VWDE: variants seen among roughly 807,000 people sequenced by gnomAD.
VWDE encodes the protein von Willebrand factor D and EGF domains.
Under a neutral mutation model 178.4 loss-of-function variants are expected in VWDE, and 207 were observed. The observed-to-expected ratio is 1.16, with a 90% CI of 1.04 to 1.30. VWDE has a LOEUF of 1.30. Among genes scored for constraint, VWDE ranks in the 50% most tolerant of loss-of-function variants. VWDE has a pLI of 0.00. For missense variants in VWDE, 2,287 were observed against 1,901.3 expected (o/e 1.20, Z -3.77); for synonymous variants, 738 against 651.4 (o/e 1.13, Z -2.02).
At chr7:12,332,330 C>T (rs909594890) in intron 28 of VWDE, among the ~76,000 whole-genome samples, 1 of 152,070 alleles carries the variant, frequency 6.6e-6, no homozygotes, top group Admixed American at 6.6e-5. Context: ...CCATGGCCTT[C>T]TGGCATTTTT....
rs560709549 is a variant in VWDE at position 12,395,665 on chromosome 7, A to G, written c.59-1887T>C. Among the ~76,000 whole-genome samples, 8 of 152,146 alleles carry G rather than the reference A, an allele frequency of 5.3e-5. 1 individual carries two copies. The highest frequency in any genetic ancestry group is 1.9e-4 in the African/African-American group (8 of 41,570). On this transcript the variant is annotated intron_variant, in intron 1 of 28. Transcript: ENST00000275358. ...ATAATTTTAAATTCATATATTTTAT[A>G]TCTATTATTTCATAACTTTTTTCTA...
rs527758157 is a variant in VWDE, at chr7:12,341,987, T to C, written c.4270+72A>G. 272 of 1,219,734 alleles carry C rather than the reference T, an allele frequency of 2.2e-4. 2 individuals are homozygous for C. In the African/African-American group the frequency reaches 3.6e-3, roughly 16 times the overall value. 75.6% of individuals were successfully genotyped at this position (1,219,734 alleles called of 1,614,324 possible). A position where few individuals can be genotyped will look rare whatever the true frequency, so the allele number is the denominator to read the frequency against. On this transcript the variant is annotated intron_variant, in intron 23 of 28. Coordinates refer to ENST00000275358, the MANE Select transcript of VWDE (RefSeq NM_001135924.3). ...TCAGGTCAGTTTTATGTTTCTTAGG[T>C]GCACGTCTTCAGGACATTGGCATAT...
rs866156848 is a variant in VWDE at position 12,344,437 on chromosome 7, C to T, written c.3919G>A (p.Glu1307Lys). ...TTGCAGATGTTTGGGGCAACACACTCCCTACTTTTTCCACATGGATATTTA... is the reference window on the plus strand; with the variant it reads ...TTGCAGATGTTTGGGGCAACACACTTCCTACTTTTTCCACATGGATATTTA... ...ICKYPCGKSR[E>K]CVAPNICKCK... Residue 1307 changes from glutamate (E) to lysine (K), a missense_variant, in exon 20 of 29, where the codon GAG (glutamate) becomes AAG (lysine). Glu to Lys is a moderately conservative substitution (Grantham distance 56). Transcript: ENST00000275358. The T allele has an allele frequency of 6.4e-7, 1 of 1,550,544 alleles. No individual in the cohort carries two copies. The highest frequency in any genetic ancestry group is 8.7e-7 in the Non-Finnish European group (1 of 1,146,424).
At chr7:12,393,448 A>C (rs994488378) in intron 2 of VWDE, 146 bp downstream of exon 2, 1 of 644,786 alleles carries the variant, frequency 1.6e-6, no homozygotes, top group Non-Finnish European at 2.6e-6. Flanking sequence ...TAGACTAGGT[A>C]ATGTGGGAAT....
chr7:12,403,666 C>T lies in VWDE; in HGVS notation c.51G>A (p.Trp17Ter), dbSNP rs541458738. The T allele has an allele frequency of 2.6e-6, 4 of 1,545,808 alleles. No individual in the cohort carries two copies. The highest frequency in any genetic ancestry group is 3.5e-6 in the Non-Finnish European group (4 of 1,146,206). ...GCGCCCTACCTCGCTTACCTTCCCC[C>T]CAGGCCAGGAACATCAGCGCGATCA... ...VLVIALMFLA[W>*]GEAQECSPGG... Residue 17 changes from tryptophan to a stop codon, truncating the protein, a stop_gained, in exon 1 of 29, where the codon TGG becomes TGA. Transcript: ENST00000275358. LOFTEE classifies it high-confidence loss of function.
chr7:12,360,441 CA>C (rs759697287), intron 15 of VWDE, among the ~76,000 whole-genome samples: 9 of 152,070 alleles, frequency 5.9e-5, no homozygotes, highest in Non-Finnish European at 1.2e-4. Flanking sequence ...AAAAATCAAA[CA>C]ATCTCTCAAA....
rs1781093560 is a variant in VWDE, at chr7:12,337,249, T to C, written c.4390A>G (p.Asn1464Asp). 2 of 1,551,818 alleles carry C rather than the reference T, an allele frequency of 1.3e-6. No individual in the cohort carries two copies. Among genetic ancestry groups the C allele is most frequent in the Admixed American group, 2.0e-5 (1 of 50,990 alleles). ...QNAFCHPPCK[N>D]GGHCMRNNVC... is the part of the protein sequence containing the mutation. ...TTATTTCTCATGCAGTGGCCACCATTCTTACAGGGAGGGTGACAGAAAGCT... is the reference window on the plus strand; with the variant it reads ...TTATTTCTCATGCAGTGGCCACCATCCTTACAGGGAGGGTGACAGAAAGCT... The change falls in exon 25 of 29, where the codon AAT (asparagine) becomes GAT (aspartate). Residue 1464 changes from asparagine (N) to aspartate (D), a missense_variant. Coordinates refer to ENST00000275358, the MANE Select transcript of VWDE (RefSeq NM_001135924.3).
intron 23 of VWDE, among the ~76,000 whole-genome samples, chr7:12,340,892 C>T (rs1361076864): frequency 1.3e-5 from 2 of 152,208 alleles, no homozygotes; most frequent in African/African-American, 2.4e-5. Context: ...GAACACTGCA[C>T]TCAAGTCCTA....
At chr7:12,340,267 T>C in intron 24 of VWDE, 55 bp downstream of exon 24, 1 of 1,330,860 alleles carries the variant, frequency 7.5e-7, no homozygotes, top group Non-Finnish European at 1.0e-6. Flanking sequence ...CTCAGAGCTC[T>C]GTTGATATCT....
At chr7:12,335,464 CT>C (rs968976620) in intron 27 of VWDE, among the ~76,000 whole-genome samples, 23 of 150,044 alleles carry the variant, frequency 1.5e-4, no homozygotes, top group African/African-American at 5.1e-4. Flanking sequence ...TCTTTTTTTA[CT>C]TTTTTTTTGA....
In VWDE at chr7:12,380,747, G is replaced by A. The variant is rs964950571; in HGVS notation, c.542-14C>T. The A allele has an allele frequency of 6.5e-7, 1 of 1,550,288 alleles. No individual in the cohort carries two copies. Among genetic ancestry groups the A allele is most frequent in the Non-Finnish European group, 8.7e-7 (1 of 1,146,238 alleles). On this transcript the variant is annotated splice_polypyrimidine_tract_variant and intron_variant, in intron 4 of 28. Coordinates refer to ENST00000275358, the MANE Select transcript of VWDE (RefSeq NM_001135924.3). ...CAGCCAGCTGACCTGGGGAGAAAAT[G>A]CATAATTTGTAACTGGGAATCTTAG... is the stretch of plus-strand genomic sequence containing the variant.
At chr7:12,389,405 T>C in intron 2 of VWDE, 47 bp from the exon 3 acceptor site, 1 of 1,366,518 alleles carries the variant, frequency 7.3e-7, no homozygotes, top group Non-Finnish European at 1.0e-6. Flanking sequence ...TTTATTTTCA[T>C]CCATTGTAGA....
intron 12 of VWDE, 102 bp from the exon 13 acceptor site, chr7:12,367,595 A>T: frequency 1.0e-6 from 1 of 985,246 alleles, no homozygotes. Flanking sequence ...GGAAAATAAT[A>T]TTTTAAAGTA....
At position 12,337,096 on chromosome 7, in the gene VWDE, G is replaced by T. The variant is rs922361724; in HGVS notation, c.4463-13C>A. On this transcript the variant is annotated splice_polypyrimidine_tract_variant and intron_variant, in intron 25 of 28. Transcript: ENST00000275358. ...GGATCACAGATGCCTTAAGGTAAAAGCATGAAAAGTCAGCCCTTAAATTCA... is the reference window on the plus strand; with the variant it reads ...GGATCACAGATGCCTTAAGGTAAAATCATGAAAAGTCAGCCCTTAAATTCA... 120 of 1,551,478 alleles carry T rather than the reference G, an allele frequency of 7.7e-5. No homozygotes were observed. In the East Asian group the frequency reaches 2.9e-3, roughly 37 times the overall value.
Position 12,393,651 on chromosome 7 carries a change from T to G in VWDE, c.186A>C (p.Gly62=). 6.4e-7 allele frequency: 1 copy of G among 1,551,166 alleles called. No individual in the cohort carries two copies. Residue 62 remains glycine (G), a synonymous_variant, in exon 2 of 29, where the codon GGA becomes GGC. Transcript: ENST00000275358. ...DLICDHSLSP[G]WYRFLILDRP... ...TGTCAAGGATGAGAAATCTATACCATCCAGGGGAGAGGGAATGGTCACATA... is the reference window on the plus strand; with the variant it reads ...TGTCAAGGATGAGAAATCTATACCAGCCAGGGGAGAGGGAATGGTCACATA...
At chr7:12,342,270 A>G in intron 22 of VWDE, 116 bp from the exon 23 acceptor site, 1 of 639,602 alleles carries the variant, frequency 1.6e-6, no homozygotes, top group African/African-American at 1.8e-5. Flanking sequence ...AAGATTGCAG[A>G]GAAAGATAAA....
Position 12,346,289 on chromosome 7 carries a change from G to A in VWDE, c.3887-1820C>T, listed in dbSNP as rs538793573. ...GAGCCTCAAAACAAAGGAAAGCACA[G>A]CCCCTATGCCTGAGCAATTTAGAAT... On this transcript the variant is annotated intron_variant, in intron 19 of 28. Coordinates refer to ENST00000275358, the MANE Select transcript of VWDE (RefSeq NM_001135924.3). Among the ~76,000 whole-genome samples, 16 of 152,238 alleles carry A rather than the reference G, an allele frequency of 1.1e-4. No individual in the cohort carries two copies. In the East Asian group the frequency reaches 3.1e-3, roughly 29 times the overall value.
Position 12,357,300 on chromosome 7 carries a change from CATT to C in VWDE, c.3487_3489del (p.Asn1163del). ...ACTCTAGTTTCAGCATCGCAGTCAT[CATT>C]AAGGCGTACAGTAATTTGTTGGGTA... On this transcript the variant is annotated inframe_deletion, in exon 17 of 29. Coordinates refer to ENST00000275358, the MANE Select transcript of VWDE (RefSeq NM_001135924.3). 1 of 1,552,284 alleles carries C rather than the reference CATT, an allele frequency of 6.4e-7. No homozygotes were observed. Among genetic ancestry groups the C allele is most frequent in the Non-Finnish European group, 8.7e-7 (1 of 1,147,130 alleles).
rs1583338054 is a variant in VWDE, at chr7:12,383,673, A to T, written c.476-72T>A. Reference sequence around the variant, plus strand: ...TATACATCTACATATATCCAAGATGACAATTTATTGAAGGATGATTTAATA... The same window carrying T: ...TATACATCTACATATATCCAAGATGTCAATTTATTGAAGGATGATTTAATA... On this transcript the variant is annotated intron_variant, in intron 3 of 28. Coordinates refer to ENST00000275358, the MANE Select transcript of VWDE (RefSeq NM_001135924.3). 8.0e-6 allele frequency: 10 copies of T among 1,245,950 alleles called. No individual in the cohort carries two copies. The East Asian group carries it at 2.3e-4, about 29-fold the overall frequency. 77.2% of individuals were successfully genotyped at this position (1,245,950 alleles called of 1,614,324 possible).
Sources: allele counts gnomAD v4.1 joint callset (sites outside exome capture counted in the v4.1 genomes callset), GRCh38; gene constraint gnomAD v4.1.1; transcripts MANE v1.5; gene names NCBI Gene and HGNC (gene_info 2026-07-23, HGNC 2026-07-21).